CACNA1C: variants seen among roughly 807,000 people sequenced by gnomAD.
The protein encoded by CACNA1C is calcium voltage-gated channel subunit alpha1 C.
Under a neutral mutation model 229.0 loss-of-function variants are expected in CACNA1C, and 30 were observed. The observed-to-expected ratio is 0.13, with a 90% confidence interval of 0.10 to 0.18. The LOEUF (loss-of-function observed/expected upper bound fraction) is 0.18. Among genes scored for constraint, CACNA1C ranks in the 10% least tolerant of loss-of-function variants. CACNA1C has a pLI of 1.00. For synonymous variants in CACNA1C, 1,114 were observed against 1,132.5 expected (o/e 0.98, Z 0.33); for missense variants, 1,658 against 2,845.0 (o/e 0.58, Z 9.49).
At chr12:2,497,182 T>C (rs1401464725) in intron 7 of CACNA1C, among the ~76,000 whole-genome samples, 1 of 152,244 alleles carries the variant, frequency 6.6e-6, no homozygotes, top group Non-Finnish European at 1.5e-5. Context: ...TGCAGGACCT[T>C]GTCGATAGGA....
chr12:2,674,505 C>G (rs1316465110), intron 38 of CACNA1C, 36 bp from the exon 39 acceptor site: 1 of 1,545,388 alleles, frequency 6.5e-7, no homozygotes, highest in Admixed American at 2.0e-5. Flanking sequence ...CCATCAGAGG[C>G]CCACCAAGGG....
Position 2,515,690 on chromosome 12 carries a change from T to C in CACNA1C, c.1390+2706T>C, listed in dbSNP as rs573769001. Reference sequence around the variant, plus strand: ...GGGCTGAGTGCAGTGCAGGAGCTGCTTGGTGACACCCAGCATATCTTAGGG... The same window carrying C: ...GGGCTGAGTGCAGTGCAGGAGCTGCCTGGTGACACCCAGCATATCTTAGGG... On this transcript the variant is annotated intron_variant, in intron 9 of 46. Transcript: ENST00000399655. 2.6e-5 allele frequency among the ~76,000 whole-genome samples: 4 copies of C among 152,274 alleles called. No individual in the cohort carries two copies. The East Asian group carries it at 7.7e-4, about 29-fold the overall frequency.
At chr12:2,554,577 C>A (rs770244950) in intron 10 of CACNA1C, among the ~76,000 whole-genome samples, 5 of 152,172 alleles carry the variant, frequency 3.3e-5, no homozygotes, top group Non-Finnish European at 7.3e-5. Flanking sequence ...GGGTGTGGAC[C>A]AGCACCATGG....
Position 2,348,345 on chromosome 12 carries a change from G to A in CACNA1C, c.478-100631G>A, listed in dbSNP as rs999873627. On this transcript the variant is annotated intron_variant, in intron 3 of 46. Coordinates refer to ENST00000399655, the MANE Select transcript of CACNA1C (RefSeq NM_000719.7). This position sits in a 1 kb window ranked among gnomAD's most constrained non-coding sequence, Gnocchi z 4.7. ...TCTAGACCCTTTGGATCCTATGTGC[G>A]GGGGACTTCCCAAGAGCTCCCGGCC... 2.6e-5 allele frequency among the ~76,000 whole-genome samples: 4 copies of A among 152,220 alleles called. No individual in the cohort carries two copies. The highest frequency in any genetic ancestry group is 5.9e-5 in the Non-Finnish European group (4 of 68,034).
intron 18 of CACNA1C, among the ~76,000 whole-genome samples, chr12:2,591,444 A>G (rs2065264067): frequency 6.6e-6 from 1 of 152,204 alleles, no homozygotes; most frequent in South Asian, 2.1e-4. Flanking sequence ...TTTTCTTTCC[A>G]GGGTTTTCAG....
rs371837699 is a variant in CACNA1C, at chr12:2,493,263, G to A, written c.990G>A (p.Thr330=). ...ACGGGCGGCAGTGCCAGAACGGCAC[G>A]GTGTGCAAGCCCGGCTGGGATGGTC... ...TGHGRQCQNG[T]VCKPGWDGPK... Residue 330 remains threonine (T), a synonymous_variant, in exon 7 of 47, where the codon ACG becomes ACA. Transcript: ENST00000399655. The surrounding 1 kb of genome is among the most constrained non-coding windows in gnomAD (Gnocchi z 4.6). The A allele has an allele frequency of 5.3e-5, 85 of 1,613,900 alleles. No homozygotes were observed. Among genetic ancestry groups the A allele is most frequent in the Middle Eastern group, 1.6e-4 (1 of 6,082 alleles).
At chr12:2,059,215 G>A (rs897592187) in intron 1 of CACNA1C, among the ~76,000 whole-genome samples, 16 of 152,112 alleles carry the variant, frequency 1.1e-4, no homozygotes, top group Admixed American at 3.3e-4. Flanking sequence ...TGGAGCCTCC[G>A]AGAGCTGAGA....
At chr12:2,596,261 G>A (rs1448743596) in intron 20 of CACNA1C, 3 of 377,212 alleles carry the variant, frequency 8.0e-6, no homozygotes, top group Non-Finnish European at 1.4e-5. Context: ...GCCTGTGGAT[G>A]TTCCCCAGGA....
chr12:2,450,510 T>A (rs191033626), intron 4 of CACNA1C, among the ~76,000 whole-genome samples: 1 of 123,922 alleles, frequency 8.1e-6, no homozygotes, highest in East Asian at 2.6e-4. Context: ...GCCGAGATCA[T>A]GCCACTGCAC....
chr12:2,303,952 G>A (rs1008963731), intron 3 of CACNA1C, among the ~76,000 whole-genome samples: 2 of 152,238 alleles, frequency 1.3e-5, no homozygotes, highest in Admixed American at 6.5e-5. Context: ...CATGGTGAGC[G>A]CTGGCTTGGC....
chr12:2,179,466 T>A (rs1446793100), intron 3 of CACNA1C, among the ~76,000 whole-genome samples: 1 of 152,216 alleles, frequency 6.6e-6, no homozygotes, highest in Non-Finnish European at 1.5e-5. Flanking sequence ...TTGGAAGGAC[T>A]TTTGAAGTCA....
In CACNA1C at chr12:2,200,719, A is replaced by G. The variant is rs11062151; in HGVS notation, c.477+80289A>G. Reference sequence around the variant, plus strand: ...AAAGCAAATAGAATGTTGCGATGGTAGCTGTGGGAGTTACTTAGATCGACG... The same window carrying G: ...AAAGCAAATAGAATGTTGCGATGGTGGCTGTGGGAGTTACTTAGATCGACG... On this transcript the variant is annotated intron_variant, in intron 3 of 46. Coordinates refer to ENST00000399655, the MANE Select transcript of CACNA1C (RefSeq NM_000719.7). Among the ~76,000 whole-genome samples the G allele has an allele frequency of 4.6e-5, 7 of 152,316 alleles. No homozygotes were observed. In the East Asian group the frequency reaches 9.6e-4, roughly 21 times the overall value.
At chr12:2,555,005 T>C (rs2043288178) in intron 10 of CACNA1C, among the ~76,000 whole-genome samples, 1 of 152,172 alleles carries the variant, frequency 6.6e-6, no homozygotes, top group Non-Finnish European at 1.5e-5. Flanking sequence ...ACAAAATCAG[T>C]CTTCAAGTGT....
chr12:2,311,154 G>A (rs565826945), intron 3 of CACNA1C, among the ~76,000 whole-genome samples: 2 of 152,210 alleles, frequency 1.3e-5, no homozygotes, highest in Non-Finnish European at 2.9e-5. Context: ...GGGGAAGCCA[G>A]TGTCACCTCA....
At chr12:2,506,862 C>A (rs67382090) in intron 8 of CACNA1C, among the ~76,000 whole-genome samples, 13,118 of 152,210 alleles carry the variant, frequency 0.086, 643 homozygotes, top group East Asian at 0.14. Context: ...AGTAACCCCC[C>A]ACCAAGAGCC....
In CACNA1C at chr12:2,362,559, C is replaced by T. The variant is rs559804757; in HGVS notation, c.478-86417C>T. Among the ~76,000 whole-genome samples, 3 of 152,326 alleles carry T rather than the reference C, an allele frequency of 2.0e-5. No individual in the cohort carries two copies. In the South Asian group the frequency reaches 6.2e-4, roughly 32 times the overall value. ...GTTCAAGACAACACTTGTTCTCCTGCTGGGGTGCATGTGTGTCCTCTCCAG... is the reference window on the plus strand; with the variant it reads ...GTTCAAGACAACACTTGTTCTCCTGTTGGGGTGCATGTGTGTCCTCTCCAG... On this transcript the variant is annotated intron_variant, in intron 3 of 46. Coordinates refer to ENST00000399655, the MANE Select transcript of CACNA1C (RefSeq NM_000719.7).
intron 3 of CACNA1C, among the ~76,000 whole-genome samples, chr12:2,229,767 C>T (rs1198236673): frequency 6.6e-6 from 1 of 152,198 alleles, no homozygotes; most frequent in African/African-American, 2.4e-5. Flanking sequence ...AACGGCCTGG[C>T]AGGCTCAAGG....
intron 7 of CACNA1C, among the ~76,000 whole-genome samples, chr12:2,496,896 C>T (rs2099747896): frequency 6.6e-6 from 1 of 152,216 alleles, no homozygotes; most frequent in South Asian, 2.1e-4. Flanking sequence ...TCATCCTTTA[C>T]TCTCAGAATG....
chr12:2,325,801 G>A (rs975403966), intron 3 of CACNA1C, among the ~76,000 whole-genome samples: 3 of 152,218 alleles, frequency 2.0e-5, no homozygotes, highest in Admixed American at 6.5e-5. Flanking sequence ...TGTACCTTTC[G>A]TGAAGGGACA....
Sources: gnomAD v4.1 joint callset for allele counts (sites outside exome capture counted in the v4.1 genomes callset) on GRCh38, gnomAD v4.1.1 for gene constraint, Gnocchi (gnomAD v3.1) non-coding constraint, MANE v1.5 for transcripts, NCBI Gene and HGNC (gene_info 2026-07-23, HGNC 2026-07-21) for gene names.